Variants in TTLL1 observed in about 807,000 individuals in gnomAD.
TTLL1 encodes the protein TTL family tubulin polyglutamylase complex subunit L1.
TTLL1 carries 33 observed loss-of-function variants against 47.8 expected under a neutral mutation model. The ratio of observed to expected loss-of-function variants is 0.69; its 90% CI spans 0.52 to 0.92. TTLL1 has a LOEUF of 0.92. Among genes scored for constraint, TTLL1 ranks in the 40% least tolerant of loss-of-function variants. The probability of loss-of-function intolerance (pLI) is 0.00; values close to 1 mark genes in which losing one functional copy is unlikely to be tolerated. For synonymous variants in TTLL1, 225 were observed against 214.1 expected (o/e 1.05, Z -0.45); for missense variants, 488 against 547.5 (o/e 0.89, Z 1.08).
At chr22:43,085,592 C>A (rs1929180371) in intron 1 of TTLL1, among the ~76,000 whole-genome samples, 1 of 152,162 alleles carries the variant, frequency 6.6e-6, no homozygotes, top group African/African-American at 2.4e-5. Flanking sequence ...GTATAATGTG[C>A]CTTTGCTCTT....
intron 8 of TTLL1, among the ~76,000 whole-genome samples, chr22:43,053,066 A>G (rs940420029): frequency 6.6e-6 from 1 of 152,090 alleles, no homozygotes; most frequent in South Asian, 2.1e-4. Flanking sequence ...GTCTCAAAAA[A>G]CAAACAAACA....
chr22:43,077,718 G>A (rs925075740), intron 2 of TTLL1, among the ~76,000 whole-genome samples: 61 of 152,212 alleles, frequency 4.0e-4, no homozygotes, highest in African/African-American at 1.3e-3. Flanking sequence ...CTCCCACCCC[G>A]GCTCCAACCA....
intron 1 of TTLL1, among the ~76,000 whole-genome samples, chr22:43,084,657 A>G (rs904933101): frequency 5.3e-5 from 8 of 151,780 alleles, no homozygotes; most frequent in Admixed American, 4.6e-4. Context: ...GCCCGCCACC[A>G]CGCCCGGATA....
intron 1 of TTLL1, among the ~76,000 whole-genome samples, chr22:43,085,292 A>C (rs547765177): frequency 6.6e-6 from 1 of 152,206 alleles, no homozygotes; most frequent in South Asian, 2.1e-4. Context: ...CCACTTATTA[A>C]GCTCTAGCAT....
chr22:43,085,434 C>T (rs2146997355), intron 1 of TTLL1, among the ~76,000 whole-genome samples: 1 of 152,302 alleles, frequency 6.6e-6, no homozygotes, highest in South Asian at 2.1e-4. Context: ...TAATAATCCC[C>T]ACGAGTCAAG....
At chr22:43,060,761 C>G (rs1404507407) in intron 7 of TTLL1, among the ~76,000 whole-genome samples, 2 of 152,162 alleles carry the variant, frequency 1.3e-5, no homozygotes, top group African/African-American at 4.8e-5. Flanking sequence ...CTAGAAAATA[C>G]CCAAATGTAT....
chr22:43,057,569 G>T (rs1322976435), intron 8 of TTLL1, among the ~76,000 whole-genome samples: 1 of 152,144 alleles, frequency 6.6e-6, no homozygotes, highest in African/African-American at 2.4e-5. Context: ...TTTGTTAAAA[G>T]AATGGGAAGT....
At chr22:43,069,391 CAAA>C (rs1303585838) in intron 4 of TTLL1, among the ~76,000 whole-genome samples, 1 of 60,028 alleles carries the variant, frequency 1.7e-5, no homozygotes, top group Non-Finnish European at 3.8e-5. Context: ...GATTCTGTCT[CAAA>C]AAAAAAAAAA....
chr22:43,066,130 G>T (rs1215870203), intron 5 of TTLL1, among the ~76,000 whole-genome samples: 3 of 148,440 alleles, frequency 2.0e-5, no homozygotes, highest in Non-Finnish European at 4.4e-5. Flanking sequence ...CTGCAGTCCA[G>T]CCTGGGAGAC....
chr22:43,074,868 T>C (rs950533263), intron 3 of TTLL1, among the ~76,000 whole-genome samples: 2 of 151,832 alleles, frequency 1.3e-5, no homozygotes, highest in African/African-American at 4.8e-5. Context: ...AGCAAGACCC[T>C]GTCTCTACAA....
chr22:43,066,683 T>TA (rs34915225), intron 5 of TTLL1, among the ~76,000 whole-genome samples: 44,685 of 145,824 alleles, frequency 0.31, 9,462 homozygotes, highest in East Asian at 0.78. Flanking sequence ...GATCCCGTCT[T>TA]AAAAAAAAAA....
Position 43,045,556 on chromosome 22 carries a change from C to T in TTLL1, c.1142+854G>A, listed in dbSNP as rs560172875. ...GAACTCCTGACCTCAGGTGATCTGC[C>T]CGCCTCGGCCTCCCAAAATGCTGGG... On this transcript the variant is annotated intron_variant, in intron 10 of 10. Transcript: ENST00000266254. Among the ~76,000 whole-genome samples the T allele has an allele frequency of 2.0e-4, 29 of 147,146 alleles. No individual in the cohort carries two copies. In the South Asian group the frequency reaches 6.0e-3, roughly 31 times the overall value.
intron 7 of TTLL1, 128 bp downstream of exon 7, chr22:43,063,685 C>T (rs928489906): frequency 7.0e-6 from 5 of 712,026 alleles, no homozygotes; most frequent in African/African-American, 5.3e-5. Context: ...AGGCTGGTCT[C>T]GAACTCCTGA....
At chr22:43,050,307 T>G (rs1196441002) in intron 9 of TTLL1, among the ~76,000 whole-genome samples, 3 of 122,820 alleles carry the variant, frequency 2.4e-5, no homozygotes, top group Non-Finnish European at 3.4e-5. Context: ...TCCCAGCTAC[T>G]CAGGAGGCTG....
In TTLL1 at chr22:43,049,253, G is replaced by A. The variant is rs571865564; in HGVS notation, c.978+2548C>T. Among the ~76,000 whole-genome samples, 6 of 152,266 alleles carry A rather than the reference G, an allele frequency of 3.9e-5. No homozygotes were observed. The South Asian group carries it at 1.2e-3, about 32-fold the overall frequency. ...AAACCAGCTTGGGATGCTGGGCATG[G>A]TGGCTCATGCCTGTAATCCCAGCAC... On this transcript the variant is annotated intron_variant, in intron 9 of 10. Coordinates refer to ENST00000266254, the MANE Select transcript of TTLL1 (RefSeq NM_012263.5).
rs138554366 is a variant in TTLL1 at position 43,077,317 on chromosome 22, AGCATGCT to A, written c.-4-1734_-4-1728del. Among the ~76,000 whole-genome samples the A allele has an allele frequency of 2.6e-4, 40 of 152,254 alleles. No individual in the cohort carries two copies. The East Asian group carries it at 7.5e-3, about 29-fold the overall frequency. Reference sequence around the variant, plus strand: ...GCACACACTGGGCCCCTCCGCCTGCAGCATGCTGCCCTCGATCTCTGCCTGGCTAAGC... The same window carrying A: ...GCACACACTGGGCCCCTCCGCCTGCAGCCCTCGATCTCTGCCTGGCTAAGC... On this transcript the variant is annotated intron_variant, in intron 2 of 10. Transcript: ENST00000266254.
intron 9 of TTLL1, among the ~76,000 whole-genome samples, chr22:43,050,520 TTTTTG>T (rs1341623761): frequency 2.6e-5 from 4 of 151,854 alleles, no homozygotes; most frequent in African/African-American, 9.7e-5. Flanking sequence ...TTTGTTTTTT[TTTTTG>T]TTTGTTTGTT....
chr22:43,071,067 C>T (rs931989123), intron 3 of TTLL1, among the ~76,000 whole-genome samples: 3 of 151,974 alleles, frequency 2.0e-5, no homozygotes, highest in Admixed American at 6.6e-5. Context: ...AAGGGGCCAC[C>T]GTGTCCTGCT....
chr22:43,060,050 TCTCA>T (rs1927296924), intron 7 of TTLL1, among the ~76,000 whole-genome samples: 1 of 152,058 alleles, frequency 6.6e-6, no homozygotes, highest in South Asian at 2.1e-4. Flanking sequence ...TGAGACAGAG[TCTCA>T]CTCTGTCACC....
Sources: gnomAD v4.1 joint callset for allele counts (sites outside exome capture counted in the v4.1 genomes callset) on GRCh38, gnomAD v4.1.1 for gene constraint, MANE v1.5 for transcripts, NCBI Gene and HGNC (gene_info 2026-07-23, HGNC 2026-07-21) for gene names.